Variants in VPS13B observed in about 807,000 individuals in gnomAD.
VPS13B encodes intermembrane lipid transfer protein VPS13B.
In VPS13B, 285 loss-of-function variants were observed where a neutral mutation model predicts 426.4. That is an observed-to-expected ratio of 0.67 (90% confidence interval 0.61 to 0.74). VPS13B has a LOEUF of 0.74. Among genes scored for constraint, VPS13B ranks in the 30% least tolerant of loss-of-function variants. The pLI, the probability that VPS13B is intolerant of heterozygous loss-of-function variation, is 0.00. For synonymous variants in VPS13B, 1,676 were observed against 1,676.4 expected (o/e 1.00, Z 0.01); for missense variants, 4,537 against 4,782.6 (o/e 0.95, Z 1.51).
rs370235149 is a variant in VPS13B at position 99,832,341 on chromosome 8, A to ATTTTTTTT, written c.9331-10_9331-3dup. 4.4e-4 allele frequency: 521 copies of ATTTTTTTT among 1,194,572 alleles called. 9 individuals carry two copies. Among genetic ancestry groups the ATTTTTTTT allele is most frequent in the African/African-American group, 1.1e-3 (49 of 45,864 alleles). 74.0% of individuals were successfully genotyped at this position (1,194,572 alleles called of 1,614,324 possible). On this transcript the variant is annotated intron_variant, in intron 51 of 61. Coordinates refer to ENST00000357162, the MANE Select transcript of VPS13B (RefSeq NM_152564.5). ...TTACTGTAGCTAATGTGCTCTCTGC[A>ATTTTTTTT]TTTTTTTTTTTTTTTTTTTTTTTTT... is the stretch of plus-strand genomic sequence containing the variant.
In VPS13B at chr8:99,058,948, T is replaced by C. The variant is rs138515694; in HGVS notation, c.291+20382T>C. On this transcript the variant is annotated intron_variant, in intron 3 of 61. Transcript: ENST00000357162. ...GTAATTAGATCTCACTGAAGGATAA[T>C]ACAGAAAGTAGGCATAGTACATTGT... Among the ~76,000 whole-genome samples, 24 of 152,330 alleles carry C rather than the reference T, an allele frequency of 1.6e-4. No individual in the cohort carries two copies. The East Asian group carries it at 2.5e-3, about 16-fold the overall frequency.
At position 99,038,327 on chromosome 8, in the gene VPS13B, G is replaced by C. The variant is rs1842832759; in HGVS notation, c.148-96G>C. The C allele has an allele frequency of 6.9e-6, 7 of 1,010,962 alleles. No homozygotes were observed. In the Admixed American group the frequency reaches 8.0e-5, roughly 12 times the overall value. 62.6% of individuals were successfully genotyped at this position (1,010,962 alleles called of 1,614,324 possible). A position where few individuals can be genotyped will look rare whatever the true frequency, so the allele number is the denominator to read the frequency against. On this transcript the variant is annotated intron_variant, in intron 2 of 61. Transcript: ENST00000357162. Reference sequence around the variant, plus strand: ...AAACAATAAGTCTCTGAATATTCTTGTGTTGGAAATTTTATTTTTTAAAAA... The same window carrying C: ...AAACAATAAGTCTCTGAATATTCTTCTGTTGGAAATTTTATTTTTTAAAAA...
intron 36 of VPS13B, among the ~76,000 whole-genome samples, chr8:99,712,600 A>G (rs1832748117): frequency 6.6e-6 from 1 of 152,056 alleles, no homozygotes; most frequent in East Asian, 1.9e-4. Context: ...TTTAGTGCTC[A>G]CCTAAGTCTG....
At chr8:99,312,988 G>C (rs543557709) in intron 19 of VPS13B, among the ~76,000 whole-genome samples, 194 of 152,276 alleles carry the variant, frequency 1.3e-3, no homozygotes, top group African/African-American at 4.3e-3. Context: ...CATTTGTCAC[G>C]TAGTTCTCGT....
chr8:99,759,256 T>C (rs1020771296), intron 39 of VPS13B, among the ~76,000 whole-genome samples: 1 of 152,176 alleles, frequency 6.6e-6, no homozygotes, highest in Non-Finnish European at 1.5e-5. Context: ...CCACAACTGC[T>C]GTGACTCCTA....
At chr8:99,376,503 T>C (rs1813495870) in intron 19 of VPS13B, among the ~76,000 whole-genome samples, 1 of 152,182 alleles carries the variant, frequency 6.6e-6, no homozygotes, top group Admixed American at 6.5e-5. Flanking sequence ...CATAGGTTGG[T>C]GAAGTATTTT....
intron 3 of VPS13B, among the ~76,000 whole-genome samples, chr8:99,060,106 A>T (rs539559514): frequency 5.3e-5 from 8 of 152,258 alleles, no homozygotes; most frequent in African/African-American, 1.7e-4. Context: ...AAGTAAAAAA[A>T]CTACAAACCA....
intron 2 of VPS13B, among the ~76,000 whole-genome samples, chr8:99,015,920 C>T (rs1841589524): frequency 6.6e-6 from 1 of 152,084 alleles, no homozygotes; most frequent in South Asian, 2.1e-4. Context: ...GGAACGTACT[C>T]CCCACTCCTA....
At chr8:99,673,108 T>C (rs1208261870) in intron 35 of VPS13B, among the ~76,000 whole-genome samples, 1 of 152,110 alleles carries the variant, frequency 6.6e-6, no homozygotes, top group Non-Finnish European at 1.5e-5. Flanking sequence ...AGCATGTCTT[T>C]GTCTGGTTTT....
At chr8:99,593,769 G>A (rs763815517) in intron 33 of VPS13B, among the ~76,000 whole-genome samples, 3 of 151,986 alleles carry the variant, frequency 2.0e-5, no homozygotes, top group Non-Finnish European at 4.4e-5. Context: ...GACATGGATG[G>A]AGTTTAAAGC....
intron 25 of VPS13B, among the ~76,000 whole-genome samples, chr8:99,485,906 T>G (rs534546990): frequency 6.6e-6 from 1 of 152,240 alleles, no homozygotes; most frequent in Admixed American, 6.5e-5. Context: ...TTTATAGTCC[T>G]TTTAGATTTC....
At chr8:99,797,001 A>G (rs1467602305) in intron 43 of VPS13B, 2 of 152,226 alleles carry the variant, frequency 1.3e-5, no homozygotes, top group African/African-American at 4.8e-5. Context: ...GTAAGGAACT[A>G]GATCTTGGTG....
intron 12 of VPS13B, among the ~76,000 whole-genome samples, chr8:99,141,869 C>T (rs1396494311): frequency 6.8e-6 from 1 of 146,698 alleles, no homozygotes; most frequent in African/African-American, 2.5e-5. Context: ...ATGGTGAAAC[C>T]CTGTCTCTAC....
At chr8:99,679,731 A>G (rs753572036) in intron 35 of VPS13B, among the ~76,000 whole-genome samples, 3 of 152,154 alleles carry the variant, frequency 2.0e-5, no homozygotes, top group African/African-American at 7.2e-5. Flanking sequence ...CAATGAAAGC[A>G]CATTAATCTC....
At chr8:99,593,514 C>T (rs1171494763) in intron 33 of VPS13B, among the ~76,000 whole-genome samples, 2 of 152,018 alleles carry the variant, frequency 1.3e-5, no homozygotes, top group African/African-American at 2.4e-5. Context: ...CTTCAAAGAC[C>T]TAGAGGCAGA....
chr8:99,345,055 A>AT (rs567282070), intron 19 of VPS13B, among the ~76,000 whole-genome samples: 1 of 152,004 alleles, frequency 6.6e-6, no homozygotes. Context: ...TTAGGAATCA[A>AT]TTTTTTTCCT....
At chr8:99,276,412 G>C (rs1300040514) in intron 19 of VPS13B, among the ~76,000 whole-genome samples, 2 of 152,094 alleles carry the variant, frequency 1.3e-5, no homozygotes, top group Admixed American at 6.5e-5. Context: ...ATCCAAAGTA[G>C]GGTTGTCCCT....
At chr8:99,609,889 T>C (rs959022401) in intron 33 of VPS13B, among the ~76,000 whole-genome samples, 1 of 152,226 alleles carries the variant, frequency 6.6e-6, no homozygotes, top group African/African-American at 2.4e-5. Context: ...GCACCATCAG[T>C]GCACATGTCA....
intron 8 of VPS13B, among the ~76,000 whole-genome samples, chr8:99,133,587 T>C (rs1175624133): frequency 6.6e-6 from 1 of 152,248 alleles, no homozygotes; most frequent in Non-Finnish European, 1.5e-5. Context: ...CATTTCTAGC[T>C]TTTGATTTAA....
Sources: allele counts gnomAD v4.1 joint callset (sites outside exome capture counted in the v4.1 genomes callset), GRCh38; gene constraint gnomAD v4.1.1; transcripts MANE v1.5; gene names NCBI Gene and HGNC (gene_info 2026-07-23, HGNC 2026-07-21).